The following SMNDC1 variants were observed in gnomAD, a reference collection of about 807,000 sequenced individuals.
SMNDC1 encodes the protein survival motor neuron domain containing 1, also known as survival of motor neuron-related-splicing factor 30.
SMNDC1 carries 5 observed loss-of-function variants against 29.2 expected under a neutral mutation model. The ratio of observed to expected loss-of-function variants is 0.17; its 90% confidence interval spans 0.09 to 0.36. SMNDC1 has a LOEUF of 0.36. Ranked by LOEUF, SMNDC1 falls within the 10% of genes least tolerant of loss-of-function variation. The probability of loss-of-function intolerance (pLI) is 1.00; values close to 1 mark genes in which losing one functional copy is unlikely to be tolerated. For missense variants in SMNDC1, 142 were observed against 268.5 expected, an observed-to-expected ratio of 0.53 and a Z score of 3.29; for synonymous variants, 80 against 89.9, an observed-to-expected ratio of 0.89 and a Z score of 0.62.
In SMNDC1 at chr10:110,297,190, G is replaced by C. The variant is rs151229434; in HGVS notation, c.425+377C>G. Among the ~76,000 whole-genome samples the C allele has an allele frequency of 1.1e-3, 168 of 152,222 alleles. 1 individual carries two copies. Among genetic ancestry groups the C allele is most frequent in the Middle Eastern group, 3.4e-3 (1 of 294 alleles). Reference sequence around the variant, plus strand: ...TTACAGTACCTGTTATAGCTCCTTTGTAATGTTTACACTGTACTATTAAAG... The same window carrying C: ...TTACAGTACCTGTTATAGCTCCTTTCTAATGTTTACACTGTACTATTAAAG... On this transcript the variant is annotated intron_variant, in intron 4 of 5. Transcript: ENST00000369603.
chr10:110,299,148 C>T (rs751609302), intron 2 of SMNDC1, among the ~76,000 whole-genome samples: 35 of 152,192 alleles, frequency 2.3e-4, no homozygotes, highest in Non-Finnish European at 4.4e-5. Flanking sequence ...GAATTAGATA[C>T]TCTTATTGTA....
At chr10:110,300,147 C>A (rs954235060) in intron 2 of SMNDC1, among the ~76,000 whole-genome samples, 1 of 152,186 alleles carries the variant, frequency 6.6e-6, no homozygotes, top group Admixed American at 6.5e-5. Flanking sequence ...AGAGCCCACA[C>A]AAATCTCTAT....
intron 1 of SMNDC1, 86 bp downstream of exon 1, chr10:110,304,662 G>A (rs989227197): frequency 6.6e-6 from 1 of 152,316 alleles, no homozygotes; most frequent in Non-Finnish European, 1.5e-5. Flanking sequence ...CGGCGAGGCG[G>A]GCTCCTCAGC....
rs1857521498 is a variant in SMNDC1, at chr10:110,293,373, G to T, written c.*777C>A. The T allele has an allele frequency of 6.6e-6, 1 of 152,326 alleles. No homozygotes were observed. Among genetic ancestry groups the T allele is most frequent in the Non-Finnish European group, 1.5e-5 (1 of 67,958 alleles). 9.4% of individuals were successfully genotyped at this position (152,326 alleles called of 1,614,324 possible). ...TTAGCCTTGTGTTTTTACAAAAATAGTATCTACACTGTATACAGGGCTATA... is the reference window on the plus strand; with the variant it reads ...TTAGCCTTGTGTTTTTACAAAAATATTATCTACACTGTATACAGGGCTATA... On this transcript the variant is annotated 3_prime_UTR_variant, in exon 6 of 6. Coordinates refer to ENST00000369603, the MANE Select transcript of SMNDC1 (RefSeq NM_005871.4).
At chr10:110,295,940 C>G (rs1261735564) in intron 4 of SMNDC1, among the ~76,000 whole-genome samples, 4 of 152,196 alleles carry the variant, frequency 2.6e-5, no homozygotes, top group Non-Finnish European at 4.4e-5. Context: ...CTGCGCCCAG[C>G]CTTAATTATG....
Position 110,293,924 on chromosome 10 carries a change from C to A in SMNDC1, c.*226G>T. 1 of 349,054 alleles carries A rather than the reference C, an allele frequency of 2.9e-6. No individual in the cohort carries two copies. The highest frequency in any genetic ancestry group is 7.3e-5 in the South Asian group (1 of 13,692). 21.6% of individuals were successfully genotyped at this position (349,054 alleles called of 1,614,324 possible). A position where few individuals can be genotyped will look rare whatever the true frequency, so the allele number is the denominator to read the frequency against. On this transcript the variant is annotated 3_prime_UTR_variant, in exon 6 of 6. Transcript: ENST00000369603. The stretch of plus-strand genomic sequence containing the variant: ...TATGAAACAGCATCTACAAAAGTTG[C>A]TTTATTCAACAAACTTTGAGGGAAC...
rs1224125065 is a variant in SMNDC1, at chr10:110,294,237, T to C, written c.630A>G (p.Gly210=). 6.2e-7 allele frequency: 1 copy of C among 1,608,664 alleles called. No individual in the cohort carries two copies. The highest frequency in any genetic ancestry group is 8.5e-7 in the Non-Finnish European group (1 of 1,177,454). The change falls in exon 6 of 6, where the codon GGA becomes GGG. Residue 210 remains glycine, a synonymous_variant. Coordinates refer to ENST00000369603, the MANE Select transcript of SMNDC1 (RefSeq NM_005871.4). The part of the protein sequence containing the change: ...ASPESVTGKV[G]VGTCGIADKP... Reference sequence around the variant, plus strand: ...TATCAGCAATTCCACAGGTTCCTACTCCAACTTTACCAGTCACACTCTCAG... The same window carrying C: ...TATCAGCAATTCCACAGGTTCCTACCCCAACTTTACCAGTCACACTCTCAG...
intron 5 of SMNDC1, 78 bp downstream of exon 5, chr10:110,295,150 C>T: frequency 7.6e-7 from 1 of 1,317,480 alleles, no homozygotes; most frequent in Non-Finnish European, 1.0e-6. Context: ...CAAAAAATCT[C>T]CATCTCTTTT....
chr10:110,298,624 T>TA (rs745767892), intron 3 of SMNDC1, 24 bp downstream of exon 3: 36 of 1,578,948 alleles, frequency 2.3e-5, no homozygotes, highest in Admixed American at 7.5e-5. Context: ...ATGTTATAGT[T>TA]AGAGTTTTTT....
chr10:110,295,516 T>A, intron 4 of SMNDC1, 135 bp from the exon 5 acceptor site: 1 of 575,488 alleles, frequency 1.7e-6, no homozygotes, highest in Non-Finnish European at 2.8e-6. Context: ...ACTAAATCAT[T>A]AAAATCAGTA....
intron 5 of SMNDC1, 136 bp downstream of exon 5, chr10:110,295,092 A>T: frequency 1.4e-6 from 1 of 694,768 alleles, no homozygotes; most frequent in Non-Finnish European, 2.3e-6. Context: ...AGTTAAATTG[A>T]GCATCAACAA....
chr10:110,292,278 C>CA lies in SMNDC1; in HGVS notation c.*1871dup. On this transcript the variant is annotated 3_prime_UTR_variant, in exon 6 of 6. Transcript: ENST00000369603. ...TGATTTCATTCTAAAGGTCTATTTTCAAAACATTTTTTTTTAAGGTCACTT... is the reference window on the plus strand; with the variant it reads ...TGATTTCATTCTAAAGGTCTATTTTCAAAAACATTTTTTTTTAAGGTCACTT... 1 of 53,932 alleles carries CA rather than the reference C, an allele frequency of 1.9e-5. No homozygotes were observed. Among genetic ancestry groups the CA allele is most frequent in the Middle Eastern group, 7.6e-3 (1 of 132 alleles). The allele number at this position is 53,932 out of a possible 1,614,324, so 3.3% of individuals were successfully genotyped here.
At chr10:110,298,527 T>C in intron 3 of SMNDC1, 121 bp downstream of exon 3, 1 of 768,530 alleles carries the variant, frequency 1.3e-6, no homozygotes, top group Non-Finnish European at 2.0e-6. Flanking sequence ...ATTGGCTCTA[T>C]AAATCATACT....
intron 2 of SMNDC1, among the ~76,000 whole-genome samples, chr10:110,301,413 T>C (rs1034996856): frequency 6.6e-6 from 1 of 152,242 alleles, no homozygotes; most frequent in Admixed American, 6.5e-5. Context: ...CAATTCAAAA[T>C]AGACCTTATC....
At chr10:110,300,814 G>T in intron 2 of SMNDC1, 1 of 628,438 alleles carries the variant, frequency 1.6e-6, no homozygotes, top group Non-Finnish European at 2.0e-6. Context: ...CTAATAAATT[G>T]ACTATCTCTG....
At chr10:110,297,516 T>C in intron 4 of SMNDC1, 51 bp downstream of exon 4, 1 of 1,546,526 alleles carries the variant, frequency 6.5e-7, no homozygotes, top group Non-Finnish European at 8.8e-7. Flanking sequence ...CTACTTCAAG[T>C]ATCCAAATGG....
At position 110,291,006 on chromosome 10, in the gene SMNDC1, A is replaced by T. The variant is rs1278781754; in HGVS notation, c.*3144T>A. On this transcript the variant is annotated 3_prime_UTR_variant, in exon 6 of 6. Transcript: ENST00000369603. ...GGCATTAGAATTGCATACTGGAAAC[A>T]GACACACACCCTTCATTGTGACAAC... 1 of 152,220 alleles carries T rather than the reference A, an allele frequency of 6.6e-6. No homozygotes were observed. Among genetic ancestry groups the T allele is most frequent in the Non-Finnish European group, 1.5e-5 (1 of 68,036 alleles). The allele number at this position is 152,220 out of a possible 1,614,324, so 9.4% of individuals were successfully genotyped here.
Position 110,293,880 on chromosome 10 carries a change from A to G in SMNDC1, c.*270T>C. 4.1e-6 allele frequency: 1 copy of G among 243,564 alleles called. No homozygotes were observed. Among genetic ancestry groups the G allele is most frequent in the Non-Finnish European group, 7.8e-6 (1 of 127,402 alleles). The allele number at this position is 243,564 out of a possible 1,614,324, so 15.1% of individuals were successfully genotyped here. On this transcript the variant is annotated 3_prime_UTR_variant, in exon 6 of 6. Transcript: ENST00000369603. ...TAGGCGCCTGATATTAGGAAGATCA[A>G]TAATTCATCTAAGTGCTGTATGAAA...
At position 110,290,858 on chromosome 10, in the gene SMNDC1, G is replaced by GT. The variant is rs1295024055; in HGVS notation, c.*3291dup. The GT allele has an allele frequency of 1.3e-5, 2 of 152,080 alleles. No individual in the cohort carries two copies. Among genetic ancestry groups the GT allele is most frequent in the Admixed American group, 1.3e-4 (2 of 15,276 alleles). 9.4% of individuals were successfully genotyped at this position (152,080 alleles called of 1,614,324 possible). A position where few individuals can be genotyped will look rare whatever the true frequency, so the allele number is the denominator to read the frequency against. ...TTTTTGGTTGAATTTACAACTGGTA[G>GT]TTTTTTATCTTATAAAAATTGTAAT... On this transcript the variant is annotated 3_prime_UTR_variant, in exon 6 of 6. Coordinates refer to ENST00000369603, the MANE Select transcript of SMNDC1 (RefSeq NM_005871.4).
Sources: allele counts gnomAD v4.1 joint callset (sites outside exome capture counted in the v4.1 genomes callset), GRCh38; gene constraint gnomAD v4.1.1; transcripts MANE v1.5; gene names NCBI Gene and HGNC (gene_info 2026-07-23, HGNC 2026-07-21).